ABCA13: variants seen among roughly 807,000 people sequenced by gnomAD.
ABCA13 encodes the protein ATP-binding cassette sub-family A member 13.
ABCA13 carries 476 observed loss-of-function variants against 478.7 expected under a neutral mutation model. The ratio of observed to expected loss-of-function variants is 0.99; its 90% CI spans 0.92 to 1.07. The LOEUF is 1.07. ABCA13 is among the 50% of genes least tolerant of loss of function. ABCA13 has a pLI of 0.00. For synonymous variants in ABCA13, 2,252 were observed against 2,158.9 expected (o/e 1.04, Z -1.20); for missense variants, 6,060 against 5,910.6 (o/e 1.03, Z -0.83).
At chr7:48,360,400 T>C (rs759449725) in intron 31 of ABCA13, among the ~76,000 whole-genome samples, 2 of 151,974 alleles carry the variant, frequency 1.3e-5, no homozygotes, top group African/African-American at 2.4e-5. Context: ...AATTTATAGA[T>C]AGTTCTTTGA....
At chr7:48,239,532 A>T in intron 9 of ABCA13, 127 bp downstream of exon 9, 1 of 1,125,550 alleles carries the variant, frequency 8.9e-7, no homozygotes, top group Non-Finnish European at 1.2e-6. Context: ...GGGCCTTAGG[A>T]GCCCCACATC....
rs765917343 is a variant in ABCA13 at position 48,275,111 on chromosome 7, T to A, written c.5445T>A (p.Ala1815=). The A allele has an allele frequency of 1.2e-6, 2 of 1,613,404 alleles. No individual in the cohort carries two copies. The highest frequency in any genetic ancestry group is 2.7e-5 in the African/African-American group (2 of 74,920). ...ATAAGCCAGATATTATTTCAGAGGC[T>A]TTAGCTTGTTTTCCTGTGGTTTGGT... ...VSDKPDIISE[A]LACFPVVWCW... Residue 1815 remains alanine, a synonymous_variant, in exon 17 of 62, where the codon GCT becomes GCA. Coordinates refer to ENST00000435803, the MANE Select transcript of ABCA13 (RefSeq NM_152701.5).
chr7:48,475,423 C>T (rs1793564966), intron 45 of ABCA13, among the ~76,000 whole-genome samples: 1 of 151,266 alleles, frequency 6.6e-6, no homozygotes, highest in African/African-American at 2.4e-5. Flanking sequence ...GTGTGCTATC[C>T]AGCAGCCCTG....
At chr7:48,458,224 C>G (rs758536731) in intron 43 of ABCA13, among the ~76,000 whole-genome samples, 7 of 152,196 alleles carry the variant, frequency 4.6e-5, no homozygotes, top group Non-Finnish European at 1.0e-4. Context: ...GCACCATGAT[C>G]TAAATCTTGG....
chr7:48,297,343 T>G (rs1237363427), intron 22 of ABCA13, 32 bp downstream of exon 22: 1 of 1,543,022 alleles, frequency 6.5e-7, no homozygotes, highest in South Asian at 1.2e-5. Context: ...TTTGCTTGAT[T>G]AAAAATTAAA....
At chr7:48,178,501 C>A (rs1795189313) in intron 1 of ABCA13, among the ~76,000 whole-genome samples, 1 of 151,710 alleles carries the variant, frequency 6.6e-6, no homozygotes, top group African/African-American at 2.4e-5. Context: ...ATGGTGAAAC[C>A]CCATCTCTAC....
At chr7:48,486,167 G>A (rs924576383) in intron 47 of ABCA13, among the ~76,000 whole-genome samples, 3 of 152,082 alleles carry the variant, frequency 2.0e-5, no homozygotes, top group Admixed American at 2.0e-4. Context: ...GTGGCATTTG[G>A]GGAATGCCAG....
At chr7:48,578,922 A>G (rs1450297297) in intron 55 of ABCA13, among the ~76,000 whole-genome samples, 1 of 152,222 alleles carries the variant, frequency 6.6e-6, no homozygotes, top group African/African-American at 2.4e-5. Flanking sequence ...GCCAGAACAA[A>G]TGGACATCCA....
intron 45 of ABCA13, 73 bp from the exon 46 acceptor site, chr7:48,480,963 T>C: frequency 1.1e-6 from 1 of 935,890 alleles, no homozygotes. Flanking sequence ...CACATGTAGT[T>C]TCAAGTAATG....
intron 43 of ABCA13, among the ~76,000 whole-genome samples, chr7:48,456,128 A>G (rs1319043677): frequency 2.0e-5 from 3 of 152,256 alleles, no homozygotes; most frequent in Non-Finnish European, 4.4e-5. Flanking sequence ...ACTGGAACTC[A>G]GTGATACTAG....
Position 48,281,413 on chromosome 7 carries a change from G to A in ABCA13, c.8797G>A (p.Val2933Met), listed in dbSNP as rs79809732. ...PSEAMEMLQKVKMMVVRVLTI... is the reference protein window; with the variant it reads ...PSEAMEMLQKMKMMVVRVLTI... ...AGAAGCCATGGAGATGCTGCAGAAA[G>A]TGAAGATGATGGTCGTACGTGTGCT... Residue 2933 changes from valine to methionine, a missense_variant, in exon 19 of 62, where the codon GTG becomes ATG. By Grantham distance (21) the Val-to-Met change is conservative (BLOSUM62 1). This residue lies in a region of ABCA13 where 4,423 missense variants were observed against 4,309.1 expected (regional missense o/e 1.03). Coordinates refer to ENST00000435803, the MANE Select transcript of ABCA13 (RefSeq NM_152701.5). 4.0e-3 allele frequency: 6,369 copies of A among 1,608,114 alleles called. 182 individuals are homozygous for A. The East Asian group carries it at 0.081, about 20-fold the overall frequency.
At chr7:48,504,676 A>C (rs576797365) in intron 48 of ABCA13, among the ~76,000 whole-genome samples, 50 of 152,298 alleles carry the variant, frequency 3.3e-4, no homozygotes, top group Non-Finnish European at 6.2e-4. Flanking sequence ...ATTCTTACGT[A>C]GAGTCTAGAA....
chr7:48,326,793 A>G (rs1280422168), intron 27 of ABCA13, among the ~76,000 whole-genome samples: 1 of 152,216 alleles, frequency 6.6e-6, no homozygotes, highest in Non-Finnish European at 1.5e-5. Flanking sequence ...TGCTTGTGGT[A>G]TGAAGGAGAT....
intron 1 of ABCA13, among the ~76,000 whole-genome samples, chr7:48,189,917 G>A (rs1448003124): frequency 6.6e-6 from 1 of 152,166 alleles, no homozygotes; most frequent in Non-Finnish European, 1.5e-5. Flanking sequence ...TGCTTTGTAA[G>A]TCTGTAAAAA....
Position 48,246,050 on chromosome 7 carries a change from A to ACCAT in ABCA13, c.1659+20_1659+21insCCAT, listed in dbSNP as rs1562871127. ...GATGCTGTAAGTATTCTACCATCTTAGCTCTTCTAAGGGCACAAATTTAAG... is the reference window on the plus strand; with the variant it reads ...GATGCTGTAAGTATTCTACCATCTTACCATGCTCTTCTAAGGGCACAAATTTAAG... On this transcript the variant is annotated intron_variant, in intron 13 of 61. Transcript: ENST00000435803. 1 of 1,606,954 alleles carries ACCAT rather than the reference A, an allele frequency of 6.2e-7. No homozygotes were observed. Among genetic ancestry groups the ACCAT allele is most frequent in the Non-Finnish European group, 8.5e-7 (1 of 1,176,210 alleles).
rs1309863359 is a variant in ABCA13, at chr7:48,586,789, G to A, written c.14506-365G>A. ...CCTTTAAGTTTTGACACCGCTATTAGTTTCATTCCCATTTGTTTCCTTCTC... is the reference window on the plus strand; with the variant it reads ...CCTTTAAGTTTTGACACCGCTATTAATTTCATTCCCATTTGTTTCCTTCTC... On this transcript the variant is annotated intron_variant, in intron 56 of 61. Transcript: ENST00000435803. Among the ~76,000 whole-genome samples, 3 of 152,114 alleles carry A rather than the reference G, an allele frequency of 2.0e-5. No individual in the cohort carries two copies. The South Asian group carries it at 6.2e-4, about 32-fold the overall frequency.
chr7:48,188,433 C>G (rs1716110192), intron 1 of ABCA13, among the ~76,000 whole-genome samples: 1 of 152,138 alleles, frequency 6.6e-6, no homozygotes, highest in Non-Finnish European at 1.5e-5. Flanking sequence ...GGTTGCTCAT[C>G]TCCATGGATG....
chr7:48,354,900 A>T (rs1272190674), intron 31 of ABCA13, among the ~76,000 whole-genome samples: 2 of 151,984 alleles, frequency 1.3e-5, no homozygotes, highest in Non-Finnish European at 2.9e-5. Context: ...GTTTGTTAAA[A>T]TTTTTTTAGC....
chr7:48,622,054 T>C (rs1350137737), intron 59 of ABCA13, among the ~76,000 whole-genome samples: 3 of 152,116 alleles, frequency 2.0e-5, no homozygotes, highest in African/African-American at 7.2e-5. Context: ...TTGACCTCAT[T>C]CCAGCGCTTC....
Sources: allele counts gnomAD v4.1 joint callset (sites outside exome capture counted in the v4.1 genomes callset), GRCh38; gene constraint gnomAD v4.1.1; regional missense constraint gnomAD v4.1.1; transcripts MANE v1.5; gene names NCBI Gene and HGNC (gene_info 2026-07-23, HGNC 2026-07-21).